ADGRV1: variants seen among roughly 807,000 people sequenced by gnomAD.
ADGRV1 encodes the protein adhesion G protein-coupled receptor V1.
In ADGRV1, 359 loss-of-function variants were observed where a neutral mutation model predicts 596.2. The observed-to-expected ratio is 0.60, with a 90% CI of 0.55 to 0.66. ADGRV1 has a LOEUF of 0.66. Ranked by LOEUF, ADGRV1 falls within the 30% of genes least tolerant of loss-of-function variation. The pLI is 0.00. For synonymous variants in ADGRV1, 2,681 were observed against 2,679.2 expected (o/e 1.00, Z -0.02); for missense variants, 7,274 against 7,575.6 (o/e 0.96, Z 1.48).
chr5:90,628,632 C>T lies in ADGRV1; in HGVS notation c.1309C>T (p.Arg437Trp), dbSNP rs765063390. 6.2e-6 allele frequency: 10 copies of T among 1,613,656 alleles called. No homozygotes were observed. Among genetic ancestry groups the T allele is most frequent in the East Asian group, 2.2e-5 (1 of 44,894 alleles). ...TGTCTCTGCGAATTGGGTGTTGACA[C>T]GGAACAGCACTGATCCCTCACCAGT... Reference protein sequence around the residue: ...GNVSANWVLTRNSTDPSPVTA... With the variant: ...GNVSANWVLTWNSTDPSPVTA... Residue 437 changes from arginine to tryptophan, a missense_variant, in exon 8 of 90, where the codon CGG becomes TGG. Arg to Trp is a moderately radical substitution (Grantham distance 101, BLOSUM62 -3). This residue lies in a region of ADGRV1 where 1,715 missense variants were observed against 1,708.8 expected (regional missense o/e 1.00). Coordinates refer to ENST00000405460, the MANE Select transcript of ADGRV1 (RefSeq NM_032119.4).
intron 83 of ADGRV1, among the ~76,000 whole-genome samples, chr5:90,954,787 A>T (rs1391878371): frequency 4.6e-5 from 7 of 151,960 alleles, no homozygotes; most frequent in African/African-American, 1.4e-4. Flanking sequence ...CTACTAGGAT[A>T]TTTACTTAAT....
rs1198908262 is a variant in ADGRV1 at position 90,599,958 on chromosome 5, C to T, written c.23-14877C>T. 2.0e-5 allele frequency among the ~76,000 whole-genome samples: 3 copies of T among 152,004 alleles called. No homozygotes were observed. The East Asian group carries it at 5.8e-4, about 29-fold the overall frequency. ...TATAATTTTGTACAGTCCTTGAGGCCCTGTGGAAAATTGTTAATTGAAGGG... is the reference window on the plus strand; with the variant it reads ...TATAATTTTGTACAGTCCTTGAGGCTCTGTGGAAAATTGTTAATTGAAGGG... On this transcript the variant is annotated intron_variant, in intron 1 of 89. Transcript: ENST00000405460.
chr5:90,807,389 A>G (rs769839438), intron 72 of ADGRV1, among the ~76,000 whole-genome samples: 7 of 152,240 alleles, frequency 4.6e-5, no homozygotes, highest in Non-Finnish European at 1.0e-4. Context: ...AGAAAAAGAT[A>G]TAAAGGAGAA....
intron 83 of ADGRV1, among the ~76,000 whole-genome samples, chr5:90,914,325 T>C (rs367602805): frequency 6.6e-6 from 1 of 152,190 alleles, no homozygotes; most frequent in East Asian, 1.9e-4. Context: ...TAATTGAAGC[T>C]TTACCTTATT....
chr5:90,810,923 C>T lies in ADGRV1; in HGVS notation c.15663C>T (p.Ser5221=). The T allele has an allele frequency of 6.2e-7, 1 of 1,613,958 alleles. No individual in the cohort carries two copies. Among genetic ancestry groups the T allele is most frequent in the Non-Finnish European group, 8.5e-7 (1 of 1,179,892 alleles). Reference sequence around the variant, plus strand: ...ATGTTTCCATTCATGGAACATTCAGCCTTGGGCCATCCATTGTTTATATTG... The same window carrying T: ...ATGTTTCCATTCATGGAACATTCAGTCTTGGGCCATCCATTGTTTATATTG... The part of the protein sequence containing the change: ...TANVSIHGTF[S]LGPSIVYIEE... The change falls in exon 74 of 90, where the codon AGC becomes AGT. Residue 5221 remains serine (S), a synonymous_variant. Coordinates refer to ENST00000405460, the MANE Select transcript of ADGRV1 (RefSeq NM_032119.4).
At chr5:90,828,479 A>C (rs1224987877) in intron 76 of ADGRV1, among the ~76,000 whole-genome samples, 1 of 152,142 alleles carries the variant, frequency 6.6e-6, no homozygotes, top group African/African-American at 2.4e-5. Flanking sequence ...CTATTAATAA[A>C]ATATAGTAAG....
chr5:90,844,780 G>A (rs1045456034), intron 78 of ADGRV1, among the ~76,000 whole-genome samples: 5 of 152,190 alleles, frequency 3.3e-5, no homozygotes, highest in East Asian at 1.9e-4. Flanking sequence ...AAAGGCCTCC[G>A]TCTTTGTCTT....
intron 83 of ADGRV1, among the ~76,000 whole-genome samples, chr5:90,913,953 T>C (rs1161824209): frequency 6.6e-6 from 1 of 152,190 alleles, no homozygotes; most frequent in Non-Finnish European, 1.5e-5. Flanking sequence ...GATATGAATT[T>C]TAAAGACTTA....
At chr5:90,922,795 A>G (rs3114653) in intron 83 of ADGRV1, among the ~76,000 whole-genome samples, 108,651 of 152,100 alleles carry the variant, frequency 0.71, 39,209 homozygotes, top group East Asian at 1. Context: ...TAGTTCCCAT[A>G]CGATCTGGTA....
intron 21 of ADGRV1, among the ~76,000 whole-genome samples, chr5:90,668,298 G>T (rs1298930356): frequency 1.3e-5 from 2 of 152,224 alleles, no homozygotes; most frequent in Non-Finnish European, 2.9e-5. Context: ...CCAGGTGCGG[G>T]GTATAATCTC....
At chr5:91,101,761 T>G (rs532028253) in intron 86 of ADGRV1, among the ~76,000 whole-genome samples, 17 of 148,538 alleles carry the variant, frequency 1.1e-4, no homozygotes, top group African/African-American at 4.1e-4. Context: ...TGAGTACAGG[T>G]TTTTCCAACA....
chr5:90,920,874 G>A (rs1258824508), intron 83 of ADGRV1, among the ~76,000 whole-genome samples: 1 of 152,068 alleles, frequency 6.6e-6, no homozygotes, highest in African/African-American at 2.4e-5. Flanking sequence ...AAATTCAATT[G>A]TCATTTTCTA....
intron 84 of ADGRV1, among the ~76,000 whole-genome samples, chr5:90,966,237 C>T (rs569294332): frequency 4.6e-5 from 7 of 152,154 alleles, no homozygotes; most frequent in African/African-American, 1.7e-4. Flanking sequence ...CCAGTGGGAA[C>T]TTTGAGGAGA....
chr5:90,651,952 C>G (rs904148407), intron 18 of ADGRV1, among the ~76,000 whole-genome samples: 2 of 151,346 alleles, frequency 1.3e-5, no homozygotes, highest in South Asian at 4.2e-4. Context: ...TCCCCACCCC[C>G]CTCGTTCAAA....
chr5:90,597,215 G>A (rs1027486947), intron 1 of ADGRV1, among the ~76,000 whole-genome samples: 12 of 152,168 alleles, frequency 7.9e-5, no homozygotes, highest in African/African-American at 2.7e-4. Flanking sequence ...CAGAAACTTC[G>A]AGGTAGCTCA....
intron 83 of ADGRV1, among the ~76,000 whole-genome samples, chr5:90,938,457 A>G (rs1275415945): frequency 6.6e-6 from 1 of 152,242 alleles, no homozygotes. Context: ...AAAAGATAAC[A>G]GTGAGACTGG....
At chr5:90,933,602 G>T (rs908153374) in intron 83 of ADGRV1, among the ~76,000 whole-genome samples, 1 of 152,182 alleles carries the variant, frequency 6.6e-6, no homozygotes, top group Non-Finnish European at 1.5e-5. Flanking sequence ...GGTTTGTGCA[G>T]AAGAGTTGGT....
At chr5:90,667,030 A>G (rs369926708) in intron 21 of ADGRV1, among the ~76,000 whole-genome samples, 2 of 152,012 alleles carry the variant, frequency 1.3e-5, no homozygotes, top group Admixed American at 1.3e-4. Flanking sequence ...CTTTCTCTCT[A>G]GCTGCCCTTA....
At chr5:90,668,069 C>G (rs1004302194) in intron 21 of ADGRV1, among the ~76,000 whole-genome samples, 26 of 151,988 alleles carry the variant, frequency 1.7e-4, no homozygotes, top group African/African-American at 6.0e-4. Context: ...TTTTGTTTGT[C>G]TGTGCCCTGC....
Sources: allele counts gnomAD v4.1 joint callset (sites outside exome capture counted in the v4.1 genomes callset), GRCh38; gene constraint gnomAD v4.1.1; regional missense constraint gnomAD v4.1.1; transcripts MANE v1.5; gene names NCBI Gene and HGNC (gene_info 2026-07-23, HGNC 2026-07-21).